The following PUM1 variants were observed in gnomAD, a reference collection of about 807,000 sequenced individuals.
The protein encoded by PUM1 is pumilio RNA binding family member 1.
Under a neutral mutation model 131.8 loss-of-function variants are expected in PUM1, and 13 were observed. That is an observed-to-expected ratio of 0.10 (90% CI 0.06 to 0.16). The LOEUF (loss-of-function observed/expected upper bound fraction) is 0.16. Among genes scored for constraint, PUM1 ranks in the 10% least tolerant of loss-of-function variants. The pLI, the probability that PUM1 is intolerant of heterozygous loss-of-function variation, is 1.00. For synonymous variants in PUM1, 509 were observed against 556.5 expected, an observed-to-expected ratio of 0.91 and a Z score of 1.20; for missense variants, 961 against 1,512.4, an observed-to-expected ratio of 0.64 and a Z score of 6.05.
intron 14 of PUM1, among the ~76,000 whole-genome samples, 156 bp from the exon 15 acceptor site, chr1:30,954,137 C>A (rs941089665): frequency 6.6e-6 from 1 of 152,116 alleles, no homozygotes; most frequent in African/African-American, 2.4e-5. Flanking sequence ...TCATGACTTT[C>A]GTGGGTCAAC....
intron 2 of PUM1, among the ~76,000 whole-genome samples, chr1:31,048,844 C>T (rs922478721): frequency 3.2e-4 from 49 of 152,266 alleles, no homozygotes; most frequent in African/African-American, 1.1e-3. Context: ...ATTTTCCTAT[C>T]ATGACCTTTT....
rs1479858855 is a variant in PUM1 at position 30,964,856 on chromosome 1, C to A, written c.2141G>T (p.Ser714Ile). ...GSRRDSLTGSSDLYKRTSSSL... is the reference protein window; with the variant it reads ...GSRRDSLTGSIDLYKRTSSSL... ...GCTCGATGTCCTCTTATAAAGGTCA[C>A]TGCTGCCAGTCAGGGAGTCACGGCG... The change falls in exon 14 of 22, where the codon AGT becomes ATT. Residue 714 changes from serine (S) to isoleucine (I), a missense_variant. By Grantham distance (142) the Ser-to-Ile change is moderately radical. Around this residue, in one of 4 missense-constraint regions of PUM1, gnomAD observed 654 missense variants for 923.9 expected, o/e 0.71. Coordinates refer to ENST00000426105, the MANE Select transcript of PUM1 (RefSeq NM_001020658.2). 1 of 1,614,024 alleles carries A rather than the reference C, an allele frequency of 6.2e-7. No individual in the cohort carries two copies. Among genetic ancestry groups the A allele is most frequent in the Non-Finnish European group, 8.5e-7 (1 of 1,180,032 alleles).
chr1:30,952,681 G>GGT (rs1553145210), intron 15 of PUM1, among the ~76,000 whole-genome samples: 1 of 29,254 alleles, frequency 3.4e-5, no homozygotes. Context: ...AAGCGGGGGG[G>GGT]GCGGGGGGGG....
chr1:30,998,870 G>A (rs542443689), intron 5 of PUM1, among the ~76,000 whole-genome samples: 2 of 152,236 alleles, frequency 1.3e-5, no homozygotes, highest in African/African-American at 4.8e-5. Flanking sequence ...CCTTAAAATG[G>A]TCTCTTAAAA....
chr1:30,977,274 T>C lies in PUM1; in HGVS notation c.1355-2472A>G, dbSNP rs1051753835. 3.3e-5 allele frequency among the ~76,000 whole-genome samples: 5 copies of C among 152,226 alleles called. No individual in the cohort carries two copies. In the East Asian group the frequency reaches 9.6e-4, roughly 29 times the overall value. On this transcript the variant is annotated intron_variant, in intron 9 of 21. Transcript: ENST00000426105. The stretch of plus-strand genomic sequence containing the variant: ...GGAATTTTCCACTTATGGTGTCATG[T>C]TACTACTCAAAAAGATTTTGAATTT...
At chr1:31,028,718 T>A (rs993599522) in intron 3 of PUM1, 78 bp downstream of exon 3, 4 of 1,136,264 alleles carry the variant, frequency 3.5e-6, no homozygotes, top group Non-Finnish European at 5.4e-6. Context: ...GAGACTAGAT[T>A]TGGACACATT....
At position 31,028,776 on chromosome 1, in the gene PUM1, T is replaced by C; in HGVS notation, c.432+20A>G. ...TCCCTTAAAAACAGACCCACTTTTC[T>C]GACACACCAGTTCACTTACCTCTCC... On this transcript the variant is annotated intron_variant, in intron 3 of 21. Coordinates refer to ENST00000426105, the MANE Select transcript of PUM1 (RefSeq NM_001020658.2). 6.2e-7 allele frequency: 1 copy of C among 1,602,448 alleles called. No homozygotes were observed. Among genetic ancestry groups the C allele is most frequent in the Non-Finnish European group, 8.6e-7 (1 of 1,169,402 alleles).
At chr1:31,059,750 T>C (rs896275376) in intron 1 of PUM1, among the ~76,000 whole-genome samples, 173 bp from the exon 2 acceptor site, 3 of 152,196 alleles carry the variant, frequency 2.0e-5, no homozygotes, top group African/African-American at 7.2e-5. Context: ...GAGAAGTTTA[T>C]GTTGTTAACC....
At chr1:30,974,540 A>C in intron 10 of PUM1, 111 bp downstream of exon 10, 2 of 1,081,292 alleles carry the variant, frequency 1.8e-6, no homozygotes, top group Non-Finnish European at 2.6e-6. Context: ...TATACACACA[A>C]GAGGAAATTC....
intron 1 of PUM1, among the ~76,000 whole-genome samples, chr1:31,061,431 C>T (rs1456477723): frequency 6.6e-6 from 1 of 151,642 alleles, no homozygotes; most frequent in Non-Finnish European, 1.5e-5. Context: ...TCCTGGCTAA[C>T]ATGGTGAAAC....
At chr1:30,954,018 T>G in intron 14 of PUM1, 37 bp from the exon 15 acceptor site, 1 of 1,584,470 alleles carries the variant, frequency 6.3e-7, no homozygotes. Context: ...AAGACCACTC[T>G]TCAGCAACTT....
chr1:30,986,453 A>T (rs146333210), intron 7 of PUM1, among the ~76,000 whole-genome samples: 576 of 152,250 alleles, frequency 3.8e-3, no homozygotes, highest in Admixed American at 5.2e-3. Context: ...TCTAGATAAA[A>T]GCCCAGTTTA....
chr1:30,995,645 T>G lies in PUM1; in HGVS notation c.721-425A>C, dbSNP rs193182140. Among the ~76,000 whole-genome samples the G allele has an allele frequency of 2.3e-3, 343 of 152,272 alleles. 1 individual carries two copies. Among genetic ancestry groups the G allele is most frequent in the Non-Finnish European group, 3.9e-3 (265 of 68,020 alleles). On this transcript the variant is annotated intron_variant, in intron 5 of 21. Transcript: ENST00000426105. ...AGCTAATAGCATAGAAAAAAAAAAT[T>G]ATTAAGCCTGTAAAAAGAATTTCAT...
chr1:30,974,172 C>T (rs1433475058), intron 10 of PUM1, among the ~76,000 whole-genome samples: 2 of 151,874 alleles, frequency 1.3e-5, no homozygotes, highest in Non-Finnish European at 2.9e-5. Context: ...TGCAGTTTAC[C>T]GTCCTTTCTC....
At chr1:31,025,025 G>A (rs1570297238) in intron 3 of PUM1, among the ~76,000 whole-genome samples, 1 of 152,302 alleles carries the variant, frequency 6.6e-6, no homozygotes, top group Middle Eastern at 3.4e-3. Context: ...AATGAAAGGG[G>A]CTAACAAGGA....
intron 5 of PUM1, among the ~76,000 whole-genome samples, chr1:31,001,944 C>T (rs140725562): frequency 2.2e-4 from 33 of 152,288 alleles, no homozygotes; most frequent in Middle Eastern, 3.4e-3. Flanking sequence ...TTGATTCATT[C>T]GCTCTCAGGT....
chr1:30,942,233 A>G lies in PUM1; in HGVS notation c.2995-110T>C, dbSNP rs867448351. On this transcript the variant is annotated intron_variant, in intron 18 of 21. Transcript: ENST00000426105. ...TATATATATATATATATATATATAT[A>G]TATGTATTATCCCACTAATCTTCAC... The G allele has an allele frequency of 2.2e-3, 363 of 163,900 alleles. 13 individuals are homozygous for G. Among genetic ancestry groups the G allele is most frequent in the Middle Eastern group, 0.011 (4 of 364 alleles). 10.2% of individuals were successfully genotyped at this position (163,900 alleles called of 1,614,324 possible).
At chr1:30,954,562 G>A (rs1570121354) in intron 14 of PUM1, among the ~76,000 whole-genome samples, 2 of 152,176 alleles carry the variant, frequency 1.3e-5, no homozygotes, top group Non-Finnish European at 2.9e-5. Flanking sequence ...GAGACATAAT[G>A]AGTACAAGAC....
intron 7 of PUM1, among the ~76,000 whole-genome samples, chr1:30,983,111 A>G (rs1265796428): frequency 2.6e-5 from 4 of 152,262 alleles, no homozygotes; most frequent in Non-Finnish European, 5.9e-5. Flanking sequence ...CTATTTGGTA[A>G]CAGTGTGCTT....
Sources: allele counts gnomAD v4.1 joint callset (sites outside exome capture counted in the v4.1 genomes callset), GRCh38; gene constraint gnomAD v4.1.1; regional missense constraint gnomAD v4.1.1; transcripts MANE v1.5; gene names NCBI Gene and HGNC (gene_info 2026-07-23, HGNC 2026-07-21).